Variants in KANSL1 observed in about 807,000 individuals in gnomAD.
KANSL1 encodes the protein MLL1/MLL complex subunit KANSL1.
In KANSL1, 22 loss-of-function variants were observed where a neutral mutation model predicts 103.6. That is an observed-to-expected ratio of 0.21 (90% CI 0.15 to 0.30). The LOEUF (loss-of-function observed/expected upper bound fraction) is 0.30. Ranked by LOEUF, KANSL1 falls within the 10% of genes least tolerant of loss-of-function variation. The pLI, the probability that KANSL1 is intolerant of heterozygous loss-of-function variation, is 1.00. For synonymous variants in KANSL1, 600 were observed against 527.6 expected, an observed-to-expected ratio of 1.14 and a Z score of -1.88; for missense variants, 1,337 against 1,399.8, an observed-to-expected ratio of 0.96 and a Z score of 0.72.
chr17:46,143,665 G>A (rs779293602), intron 2 of KANSL1, among the ~76,000 whole-genome samples: 3 of 151,478 alleles, frequency 2.0e-5, no homozygotes, highest in South Asian at 2.1e-4. Context: ...TTAGCCGGGC[G>A]TTGTGGCGGG....
chr17:46,206,083 C>A (rs9913649), intron 1 of KANSL1, among the ~76,000 whole-genome samples: 5,453 of 89,634 alleles, frequency 0.061, 596 homozygotes, highest in African/African-American at 0.25. Flanking sequence ...CTGTGTCCCC[C>A]AAAAAAAAAA....
chr17:46,087,979 G>C (rs746627955), intron 3 of KANSL1, among the ~76,000 whole-genome samples: 20 of 152,298 alleles, frequency 1.3e-4, no homozygotes, highest in African/African-American at 4.3e-4. Context: ...TAGCCTGGTG[G>C]CAATAAACTT....
chr17:46,167,073 GGA>G (rs989345027), intron 2 of KANSL1, among the ~76,000 whole-genome samples: 2 of 150,654 alleles, frequency 1.3e-5, no homozygotes, highest in Non-Finnish European at 2.9e-5. Context: ...AAAAAACTTA[GGA>G]GAGAGAGACC....
rs995645972 is a variant in KANSL1 at position 46,034,034 on chromosome 17, A to G, written c.2666+127T>C. 41 of 1,196,806 alleles carry G rather than the reference A, an allele frequency of 3.4e-5. 1 individual carries two copies. Among genetic ancestry groups the G allele is most frequent in the South Asian group, 7.1e-5 (5 of 70,106 alleles). The allele number at this position is 1,196,806 out of a possible 1,614,324, so 74.1% of individuals were successfully genotyped here. ...ACAGAAATAATTTCGTTCTTATCAGATAAGAATTTCTCTTAATGAGAAGAC... is the reference window on the plus strand; with the variant it reads ...ACAGAAATAATTTCGTTCTTATCAGGTAAGAATTTCTCTTAATGAGAAGAC... On this transcript the variant is annotated intron_variant, in intron 11 of 14. Coordinates refer to ENST00000432791, the MANE Select transcript of KANSL1 (RefSeq NM_015443.4).
At chr17:46,065,125 C>CCA (rs76659127) in intron 6 of KANSL1, among the ~76,000 whole-genome samples, 21,322 of 149,202 alleles carry the variant, frequency 0.14, 2,084 homozygotes, top group Middle Eastern at 0.22. Flanking sequence ...CACACGCTCG[C>CCA]CCACAGCAGG....
At chr17:46,202,529 T>C (rs766535827) in intron 1 of KANSL1, among the ~76,000 whole-genome samples, 8 of 152,248 alleles carry the variant, frequency 5.3e-5, no homozygotes, top group Non-Finnish European at 8.8e-5. Flanking sequence ...AGACCATTTA[T>C]AGATAAATAT....
chr17:46,105,137 G>C (rs1257627654), intron 2 of KANSL1, among the ~76,000 whole-genome samples: 2 of 152,174 alleles, frequency 1.3e-5, no homozygotes, highest in Non-Finnish European at 2.9e-5. Context: ...TAGAGAATAA[G>C]ACTGTTATGT....
At chr17:46,034,717 G>A (rs1036868008) in intron 10 of KANSL1, 1 of 189,174 alleles carries the variant, frequency 5.3e-6, no homozygotes, top group Non-Finnish European at 1.1e-5. Flanking sequence ...GAAAGCTTAT[G>A]CTGAAAGAGG....
At chr17:46,180,477 G>A (rs986171522) in intron 1 of KANSL1, among the ~76,000 whole-genome samples, 18 of 152,094 alleles carry the variant, frequency 1.2e-4, no homozygotes, top group African/African-American at 4.1e-4. Context: ...CAGCCTGGGT[G>A]ACAAAAGTGA....
intron 2 of KANSL1, among the ~76,000 whole-genome samples, chr17:46,144,060 G>GT (rs1555564890): frequency 1.3e-5 from 2 of 152,160 alleles, no homozygotes; most frequent in Admixed American, 6.5e-5. Flanking sequence ...GTGGCTCTTT[G>GT]TTTTTTACAA....
chr17:46,059,334 G>A (rs573248141), intron 6 of KANSL1, among the ~76,000 whole-genome samples: 2 of 152,122 alleles, frequency 1.3e-5, no homozygotes, highest in East Asian at 3.9e-4. Flanking sequence ...TAAGAGGAAA[G>A]GAGGCTGGGC....
chr17:46,062,118 CA>C (rs66529773), intron 6 of KANSL1, among the ~76,000 whole-genome samples: 4 of 108,780 alleles, frequency 3.7e-5, no homozygotes, highest in African/African-American at 7.1e-5. Flanking sequence ...AACAAACAAA[CA>C]AAAAAAAAAA....
At chr17:46,137,196 A>AC (rs1385936456) in intron 2 of KANSL1, among the ~76,000 whole-genome samples, 1 of 152,098 alleles carries the variant, frequency 6.6e-6, no homozygotes, top group African/African-American at 2.4e-5. Flanking sequence ...TGGCCCTCTT[A>AC]CCTTGTCCCT....
intron 2 of KANSL1, among the ~76,000 whole-genome samples, chr17:46,103,102 T>C (rs1239969330): frequency 6.6e-6 from 1 of 152,202 alleles, no homozygotes; most frequent in East Asian, 1.9e-4. Flanking sequence ...ACGAAAAGAA[T>C]TCATTCAACT....
rs1488573700 is a variant in KANSL1, at chr17:46,093,033, T to C, written c.1431+1527A>G. 2.0e-5 allele frequency: 3 copies of C among 152,324 alleles called. No individual in the cohort carries two copies. The East Asian group carries it at 5.8e-4, about 29-fold the overall frequency. 9.4% of individuals were successfully genotyped at this position (152,324 alleles called of 1,614,324 possible). On this transcript the variant is annotated intron_variant, in intron 3 of 14. Transcript: ENST00000432791. ...CCACATATATATTTATGAATGTATA[T>C]AAAAAGATGAAGCAGCACTTATGAC...
At position 46,073,625 on chromosome 17, in the gene KANSL1, A is replaced by C. The variant is rs573023152; in HGVS notation, c.1534-5958T>G. Among the ~76,000 whole-genome samples the C allele has an allele frequency of 5.4e-4, 82 of 152,294 alleles. 1 individual carries two copies. Among genetic ancestry groups the C allele is most frequent in the African/African-American group, 1.8e-3 (76 of 41,562 alleles). ...CCACAGTAATGTTTCCCATACAAAA[A>C]TAAAAATTAACAATGCGGGGTGGGG... On this transcript the variant is annotated intron_variant, in intron 4 of 14. Coordinates refer to ENST00000432791, the MANE Select transcript of KANSL1 (RefSeq NM_015443.4).
In KANSL1 at chr17:46,172,180, T is replaced by G; in HGVS notation, c.-37A>C. 3 of 1,580,346 alleles carry G rather than the reference T, an allele frequency of 1.9e-6. No homozygotes were observed. Among genetic ancestry groups the G allele is most frequent in the Non-Finnish European group, 2.6e-6 (3 of 1,168,756 alleles). ...AGACAGGAAGTCCAGCCTCTCCCGA[T>G]GCCGAGGCCGAGGCCAGCTCCACGG... On this transcript the variant is annotated 5_prime_UTR_variant, in exon 2 of 15. Transcript: ENST00000432791.
chr17:46,216,598 C>CAAAAAA (rs72237062), intron 1 of KANSL1, among the ~76,000 whole-genome samples: 2 of 83,752 alleles, frequency 2.4e-5, no homozygotes, highest in Non-Finnish European at 2.3e-5. Flanking sequence ...GACTCCGTCT[C>CAAAAAA]AAAAAAAAAA....
At chr17:46,210,072 G>A (rs1453763030) in intron 1 of KANSL1, among the ~76,000 whole-genome samples, 1 of 152,204 alleles carries the variant, frequency 6.6e-6, no homozygotes. Flanking sequence ...CTCTAATAAA[G>A]ATGGGCTCAG....
Sources: allele counts gnomAD v4.1 joint callset (sites outside exome capture counted in the v4.1 genomes callset), GRCh38; gene constraint gnomAD v4.1.1; transcripts MANE v1.5; gene names NCBI Gene and HGNC (gene_info 2026-07-23, HGNC 2026-07-21).